Variants in EGLN3 observed in about 807,000 individuals in gnomAD.
EGLN3 encodes egl-9 family hypoxia inducible factor 3, also known as prolyl hydroxylase EGLN3.
In EGLN3, 15 loss-of-function variants were observed where a neutral mutation model predicts 26.0. The ratio of observed to expected loss-of-function variants is 0.58; its 90% CI spans 0.39 to 0.89. The LOEUF (loss-of-function observed/expected upper bound fraction) is 0.89, where lower values mean the gene tolerates loss of function less well. Ranked by LOEUF, EGLN3 falls within the 40% of genes least tolerant of loss-of-function variation. EGLN3 has a pLI of 0.00. For missense variants in EGLN3, 238 were observed against 311.6 expected, an observed-to-expected ratio of 0.76 and a Z score of 1.78; for synonymous variants, 147 against 127.2, an observed-to-expected ratio of 1.16 and a Z score of -1.05.
At chr14:33,929,350 CT>C in intron 2 of EGLN3, 138 bp from the exon 3 acceptor site, 1 of 1,096,372 alleles carries the variant, frequency 9.1e-7, no homozygotes, top group Non-Finnish European at 1.3e-6. Context: ...TTACTTCAAC[CT>C]CATAGTTTGT....
rs1200836123 is a variant in EGLN3, at chr14:33,939,334, C to G, written c.358-8119G>C. 3.9e-5 allele frequency among the ~76,000 whole-genome samples: 6 copies of G among 152,056 alleles called. No homozygotes were observed. The East Asian group carries it at 1.2e-3, about 29-fold the overall frequency. On this transcript the variant is annotated intron_variant, in intron 1 of 4. Transcript: ENST00000250457. Reference sequence around the variant, plus strand: ...CAGGCCATTCTCCTGCCTCAGCCTCCCGAGTAGCTGGGACTACAGGCGCCC... The same window carrying G: ...CAGGCCATTCTCCTGCCTCAGCCTCGCGAGTAGCTGGGACTACAGGCGCCC...
intron 2 of EGLN3, 37 bp from the exon 3 acceptor site, chr14:33,929,249 C>A (rs984156319): frequency 6.2e-7 from 1 of 1,608,894 alleles, no homozygotes; most frequent in Non-Finnish European, 8.5e-7. Flanking sequence ...TTTCTTACCT[C>A]TCATGTAGTT....
At chr14:33,934,198 T>C (rs560710070) in intron 1 of EGLN3, among the ~76,000 whole-genome samples, 1 of 152,096 alleles carries the variant, frequency 6.6e-6, no homozygotes, top group African/African-American at 2.4e-5. Flanking sequence ...CCATCCCCAT[T>C]CCCAGAGGCC....
intron 3 of EGLN3, 73 bp from the exon 4 acceptor site, chr14:33,927,106 C>T: frequency 2.8e-6 from 3 of 1,066,218 alleles, no homozygotes; most frequent in Non-Finnish European, 3.8e-6. Context: ...CTATAAATCT[C>T]ACATTAAAAG....
At chr14:33,948,010 G>A (rs1019446661) in intron 1 of EGLN3, among the ~76,000 whole-genome samples, 12 of 152,052 alleles carry the variant, frequency 7.9e-5, no homozygotes, top group Non-Finnish European at 1.3e-4. Context: ...ACAGCCTGGC[G>A]ACAGAGCAAG....
Position 33,924,468 on chromosome 14 carries a change from T to C in EGLN3, c.*1423A>G, listed in dbSNP as rs2064346782. ...AAATAGAGCAGTCGTTGAGAATTAA[T>C]GGTGACATGTCTTATCTGGAAATTT... On this transcript the variant is annotated 3_prime_UTR_variant, in exon 5 of 5. Coordinates refer to ENST00000250457, the MANE Select transcript of EGLN3 (RefSeq NM_022073.4). 6.6e-6 allele frequency: 1 copy of C among 152,096 alleles called. No individual in the cohort carries two copies. 9.4% of individuals were successfully genotyped at this position (152,096 alleles called of 1,614,324 possible).
At chr14:33,943,861 A>C (rs1269103845) in intron 1 of EGLN3, among the ~76,000 whole-genome samples, 1 of 152,140 alleles carries the variant, frequency 6.6e-6, no homozygotes, top group Non-Finnish European at 1.5e-5. Context: ...TTTCCAGGAG[A>C]TTCAGGAATC....
At chr14:33,938,878 AC>A (rs1289068384) in intron 1 of EGLN3, among the ~76,000 whole-genome samples, 1 of 152,224 alleles carries the variant, frequency 6.6e-6, no homozygotes, top group African/African-American at 2.4e-5. Flanking sequence ...CCTAGAAGTT[AC>A]CCTATGGACC....
In EGLN3 at chr14:33,951,037, T is replaced by C; in HGVS notation, c.-285A>G. 1 of 383,304 alleles carries C rather than the reference T, an allele frequency of 2.6e-6. No individual in the cohort carries two copies. Among genetic ancestry groups the C allele is most frequent in the East Asian group, 4.3e-5 (1 of 23,226 alleles). 23.7% of individuals were successfully genotyped at this position (383,304 alleles called of 1,614,324 possible). On this transcript the variant is annotated 5_prime_UTR_variant, in exon 1 of 5. Transcript: ENST00000250457. ...GCGCAAGGAGTCGGAGGGCGCCTTT[T>C]GGGGATGGGAAGCCACCACTGCCGC...
intron 1 of EGLN3, among the ~76,000 whole-genome samples, chr14:33,945,473 G>A (rs2064511389): frequency 6.6e-6 from 1 of 152,206 alleles, no homozygotes; most frequent in Non-Finnish European, 1.5e-5. Flanking sequence ...ATGAAAACAG[G>A]GATCCAGGAA....
In EGLN3 at chr14:33,929,084, G is replaced by C. The variant is rs372768426; in HGVS notation, c.606C>G (p.Tyr202Ter). 1 of 1,613,758 alleles carries C rather than the reference G, an allele frequency of 6.2e-7. No individual in the cohort carries two copies. Among genetic ancestry groups the C allele is most frequent in the Non-Finnish European group, 8.5e-7 (1 of 1,179,972 alleles). Residue 202 changes from tyrosine to a stop codon, truncating the protein, a stop_gained, in exon 3 of 5, where the codon TAC (tyrosine) becomes TAG (stop). Coordinates refer to ENST00000250457, the MANE Select transcript of EGLN3 (RefSeq NM_022073.4). LOFTEE classifies it high-confidence loss of function. Reference protein sequence around the residue: ...RRNPHEVQPSYATRYAMTVWY... With the variant: ...RRNPHEVQPS ...ATGGCTCCGGCTATTACCTGGTTGC[G>C]TAAGAGGGCTGCACTTCGTGTGGGT...
intron 1 of EGLN3, among the ~76,000 whole-genome samples, chr14:33,938,662 G>A (rs760372602): frequency 6.6e-6 from 1 of 152,232 alleles, no homozygotes; most frequent in Non-Finnish European, 1.5e-5. Flanking sequence ...GGTCAGTCCA[G>A]CCCAGGGATA....
intron 2 of EGLN3, among the ~76,000 whole-genome samples, chr14:33,930,633 C>T (rs896199863): frequency 3.9e-5 from 6 of 152,266 alleles, no homozygotes; most frequent in Non-Finnish European, 8.8e-5. Context: ...AAGCAGCCAT[C>T]AATGAGACAT....
rs2064357999 is a variant in EGLN3 at position 33,925,791 on chromosome 14, A to T, written c.*100T>A. The T allele has an allele frequency of 2.2e-6, 3 of 1,357,442 alleles. No homozygotes were observed. The highest frequency in any genetic ancestry group is 2.3e-5 in the East Asian group (1 of 43,652). The allele number at this position is 1,357,442 out of a possible 1,614,324, so 84.1% of individuals were successfully genotyped here. A position where few individuals can be genotyped will look rare whatever the true frequency, so the allele number is the denominator to read the frequency against. On this transcript the variant is annotated 3_prime_UTR_variant, in exon 5 of 5. Transcript: ENST00000250457. ...GAAGGATGCAAGAAGTAGCAGGGAG[A>T]TTGTTGTCACTGAAGAGGCCATCTT...
At chr14:33,942,709 A>G (rs77964711) in intron 1 of EGLN3, among the ~76,000 whole-genome samples, 4,624 of 152,298 alleles carry the variant, frequency 0.03, 262 homozygotes, top group African/African-American at 0.1. Flanking sequence ...TGAGGTTACT[A>G]TCATATTATT....
At position 33,929,102 on chromosome 14, in the gene EGLN3, G is replaced by C. The variant is rs370813407; in HGVS notation, c.588C>G (p.His196Gln). 1.9e-6 allele frequency: 3 copies of C among 1,613,954 alleles called. No individual in the cohort carries two copies. Among genetic ancestry groups the C allele is most frequent in the Non-Finnish European group, 1.7e-6 (2 of 1,180,030 alleles). ...TGGTTGCGTAAGAGGGCTGCACTTC[G>C]TGTGGGTTCCTACGATCTGACCAGA... ...LFFWSDRRNP[H>Q]EVQPSYATRY... The change falls in exon 3 of 5, where the codon CAC becomes CAG. Residue 196 changes from histidine to glutamine, a missense_variant. Coordinates refer to ENST00000250457, the MANE Select transcript of EGLN3 (RefSeq NM_022073.4).
chr14:33,950,836 G>GGAGC lies in EGLN3; in HGVS notation c.-88_-85dup. Reference sequence around the variant, plus strand: ...ACACGAGCGCGAAGCCGAGGCGCGGGGAGCGTGGCCCGGGGTTCAGAAACC... The same window carrying GGAGC: ...ACACGAGCGCGAAGCCGAGGCGCGGGGAGCGAGCGTGGCCCGGGGTTCAGAAACC... On this transcript the variant is annotated 5_prime_UTR_variant, in exon 1 of 5. Transcript: ENST00000250457. 1.5e-6 allele frequency: 2 copies of GGAGC among 1,297,574 alleles called. No homozygotes were observed. The highest frequency in any genetic ancestry group is 4.2e-5 in the Admixed American group (2 of 47,404). The allele number at this position is 1,297,574 out of a possible 1,614,324, so 80.4% of individuals were successfully genotyped here.
At chr14:33,947,469 G>A (rs1422546765) in intron 1 of EGLN3, among the ~76,000 whole-genome samples, 1 of 152,016 alleles carries the variant, frequency 6.6e-6, no homozygotes, top group Non-Finnish European at 1.5e-5. Context: ...TTCAATTTTA[G>A]GTCCAGTGTA....
chr14:33,928,023 G>GT (rs2138809518), intron 3 of EGLN3, among the ~76,000 whole-genome samples: 1 of 151,944 alleles, frequency 6.6e-6, no homozygotes. Context: ...TAGCACTTGA[G>GT]TTTTTTTCAA....
Sources: allele counts gnomAD v4.1 joint callset (sites outside exome capture counted in the v4.1 genomes callset), GRCh38; gene constraint gnomAD v4.1.1; transcripts MANE v1.5; gene names NCBI Gene and HGNC (gene_info 2026-07-23, HGNC 2026-07-21).